The following SIDT1 variants were observed in gnomAD, a reference collection of about 807,000 sequenced individuals.
SIDT1 encodes SID1 transmembrane family member 1.
In SIDT1, 101 loss-of-function variants were observed where a neutral mutation model predicts 107.5. The observed-to-expected ratio is 0.94, with a 90% confidence interval of 0.80 to 1.11. The LOEUF is 1.11. SIDT1 is among the 50% of genes least tolerant of loss of function. SIDT1 has a pLI of 0.00. For missense variants in SIDT1, 1,076 were observed against 1,058.2 expected, an observed-to-expected ratio of 1.02 and a Z score of -0.23; for synonymous variants, 395 against 398.2, an observed-to-expected ratio of 0.99 and a Z score of 0.10.
At chr3:113,540,366 G>A (rs1938676562) in intron 1 of SIDT1, among the ~76,000 whole-genome samples, 1 of 152,086 alleles carries the variant, frequency 6.6e-6, no homozygotes, top group Non-Finnish European at 1.5e-5. Flanking sequence ...TCCAACTACA[G>A]CAATTACTCA....
chr3:113,636,922 TAAC>T, the SIDT1 span, among the ~76,000 whole-genome samples: 1 of 152,170 alleles, frequency 6.6e-6, no homozygotes, highest in Non-Finnish European at 1.5e-5. Flanking sequence ...CATTTGTCCT[TAAC>T]AACAGCCCTG....
At chr3:113,560,664 T>C (rs149689511) in intron 1 of SIDT1, among the ~76,000 whole-genome samples, 1 of 152,312 alleles carries the variant, frequency 6.6e-6, no homozygotes, top group Non-Finnish European at 1.5e-5. Flanking sequence ...TCCAAGATCA[T>C]ACGGGAAAAC....
intron 1 of SIDT1, among the ~76,000 whole-genome samples, chr3:113,552,410 G>A (rs1303582117): frequency 6.6e-6 from 1 of 152,140 alleles, no homozygotes; most frequent in African/African-American, 2.4e-5. Context: ...AGGTGTGAGT[G>A]ACATGGACAG....
chr3:113,568,423 T>C (rs1942119017), intron 3 of SIDT1, among the ~76,000 whole-genome samples: 1 of 151,452 alleles, frequency 6.6e-6, no homozygotes, highest in African/African-American at 2.4e-5. Context: ...TGAAACCCCA[T>C]CTCTACTAAA....
chr3:113,575,596 G>T (rs1389976843), intron 3 of SIDT1, among the ~76,000 whole-genome samples: 1 of 152,216 alleles, frequency 6.6e-6, no homozygotes, highest in African/African-American at 2.4e-5. Context: ...GTTGCAAGTA[G>T]ATATATAAAA....
chr3:113,571,098 T>C (rs1052509663), intron 3 of SIDT1, among the ~76,000 whole-genome samples: 3 of 152,218 alleles, frequency 2.0e-5, no homozygotes, highest in African/African-American at 7.2e-5. Flanking sequence ...TCTAAATATG[T>C]CTCTCAATTC....
Position 113,608,090 on chromosome 3 carries a change from G to A in SIDT1, c.1479-4G>A, listed in dbSNP as rs1400034184. 6.3e-7 allele frequency: 1 copy of A among 1,597,820 alleles called. No homozygotes were observed. The highest frequency in any genetic ancestry group is 8.5e-7 in the Non-Finnish European group (1 of 1,172,982). On this transcript the variant is annotated splice_polypyrimidine_tract_variant and splice_region_variant and intron_variant, in intron 15 of 24. Coordinates refer to ENST00000264852, the MANE Select transcript of SIDT1 (RefSeq NM_017699.3). ...CTCTCATGGTCTCTCACTCATCCCT[G>A]TAGTGCCTTCAACAACATTCTCAGC...
chr3:113,537,187 A>C (rs1017449344), intron 1 of SIDT1, among the ~76,000 whole-genome samples: 13 of 152,224 alleles, frequency 8.5e-5, no homozygotes, highest in African/African-American at 3.1e-4. Flanking sequence ...TTAATTTGAA[A>C]TATCTCCCTG....
At position 113,616,032 on chromosome 3, in the gene SIDT1, G is replaced by C. The variant is rs1314839606; in HGVS notation, c.1967-68G>C. ...GACATCATTCTGGCTCCAAAACCTT[G>C]GGCCACTTCAGAGTATTTGTATTTT... On this transcript the variant is annotated intron_variant, in intron 19 of 24. Coordinates refer to ENST00000264852, the MANE Select transcript of SIDT1 (RefSeq NM_017699.3). 1.5e-5 allele frequency: 16 copies of C among 1,065,502 alleles called. 2 individuals are homozygous for C. The Admixed American group carries it at 2.5e-4, about 17-fold the overall frequency. 66.0% of individuals were successfully genotyped at this position (1,065,502 alleles called of 1,614,324 possible).
chr3:113,583,964 T>C (rs1302918145), intron 7 of SIDT1, among the ~76,000 whole-genome samples: 1 of 152,050 alleles, frequency 6.6e-6, no homozygotes, highest in Non-Finnish European at 1.5e-5. Context: ...CCTTGAAAAA[T>C]AGTAAGAAAG....
Position 113,567,628 on chromosome 3 carries a change from A to G in SIDT1, c.433A>G (p.Ile145Val). The G allele has an allele frequency of 6.2e-7, 1 of 1,614,170 alleles. No individual in the cohort carries two copies. Among genetic ancestry groups the G allele is most frequent in the Non-Finnish European group, 8.5e-7 (1 of 1,180,016 alleles). ...TGAGACGGGACCCTTGCAGCAACTG[A>G]TATTTGTAGATGTCGCATCCATGGC... Reference protein sequence around the residue: ...TNETGPLQQLIFVDVASMAPL... With the variant: ...TNETGPLQQLVFVDVASMAPL... The change falls in exon 3 of 25, where the codon ATA becomes GTA. Residue 145 changes from isoleucine to valine, a missense_variant. Physicochemically the swap from Ile to Val is conservative, Grantham distance 29 (BLOSUM62 3). Coordinates refer to ENST00000264852, the MANE Select transcript of SIDT1 (RefSeq NM_017699.3).
At chr3:113,621,118 G>A (rs1946435842) in intron 21 of SIDT1, among the ~76,000 whole-genome samples, 1 of 152,172 alleles carries the variant, frequency 6.6e-6, no homozygotes, top group Non-Finnish European at 1.5e-5. Flanking sequence ...ATGGTCCTGA[G>A]TTATATATAG....
intron 3 of SIDT1, among the ~76,000 whole-genome samples, chr3:113,569,799 G>A (rs951859917): frequency 6.6e-6 from 1 of 152,186 alleles, no homozygotes; most frequent in African/African-American, 2.4e-5. Context: ...GTAGGGGAGA[G>A]GTTTGGGCAC....
intron 1 of SIDT1, among the ~76,000 whole-genome samples, chr3:113,563,757 A>T (rs1040288556): frequency 3.3e-5 from 5 of 152,180 alleles, no homozygotes; most frequent in Non-Finnish European, 5.9e-5. Context: ...CTGGAAAAAA[A>T]TTTTGAAACA....
chr3:113,535,671 T>G lies in SIDT1; in HGVS notation c.222+2428T>G, dbSNP rs534309204. 1.6e-3 allele frequency among the ~76,000 whole-genome samples: 243 copies of G among 152,322 alleles called. 1 individual carries two copies. Among genetic ancestry groups the G allele is most frequent in the Non-Finnish European group, 2.2e-3 (148 of 68,028 alleles). On this transcript the variant is annotated intron_variant, in intron 1 of 24. Coordinates refer to ENST00000264852, the MANE Select transcript of SIDT1 (RefSeq NM_017699.3). ...CTGAGAAATACAAAGTTGGGAACCA[T>G]GGGAACAGGAGATAACAAGAATTTC... is the stretch of plus-strand genomic sequence containing the variant.
At chr3:113,587,865 G>A (rs1170688537) in intron 9 of SIDT1, among the ~76,000 whole-genome samples, 1 of 152,210 alleles carries the variant, frequency 6.6e-6, no homozygotes. Context: ...CCCTATGAGA[G>A]ATGACAGTGC....
intron 1 of SIDT1, among the ~76,000 whole-genome samples, chr3:113,550,363 C>G (rs1940080186): frequency 6.6e-6 from 1 of 152,152 alleles, no homozygotes; most frequent in Non-Finnish European, 1.5e-5. Context: ...CGTTCTGATT[C>G]AGAGCCATAA....
intron 23 of SIDT1, 49 bp from the exon 24 acceptor site, chr3:113,626,053 C>A: frequency 7.9e-7 from 1 of 1,262,498 alleles, no homozygotes; most frequent in Non-Finnish European, 1.2e-6. Flanking sequence ...ACTCTTTGAA[C>A]AGTTGAACTG....
chr3:113,549,102 C>T (rs1276998625), intron 1 of SIDT1, among the ~76,000 whole-genome samples: 1 of 152,082 alleles, frequency 6.6e-6, no homozygotes, highest in Non-Finnish European at 1.5e-5. Context: ...CTTTTTAATG[C>T]TGAGTAATAT....
Sources: allele counts gnomAD v4.1 joint callset (sites outside exome capture counted in the v4.1 genomes callset), GRCh38; gene constraint gnomAD v4.1.1; transcripts MANE v1.5; gene names NCBI Gene and HGNC (gene_info 2026-07-23, HGNC 2026-07-21).